OSBPL10: variants seen among roughly 807,000 people sequenced by gnomAD.
OSBPL10 encodes oxysterol binding protein like 10.
A neutral mutation model predicts 81.7 loss-of-function variants in OSBPL10; 49 were observed. The ratio of observed to expected loss-of-function variants is 0.60; its 90% CI spans 0.48 to 0.76. The LOEUF is 0.76. Ranked by LOEUF, OSBPL10 falls within the 30% of genes least tolerant of loss-of-function variation. The probability of loss-of-function intolerance (pLI) is 0.00; values close to 1 mark genes in which losing one functional copy is unlikely to be tolerated. For synonymous variants in OSBPL10, 419 were observed against 383.6 expected (o/e 1.09, Z -1.08); for missense variants, 923 against 987.8 (o/e 0.93, Z 0.88).
rs61492992 is a variant in OSBPL10 at position 31,720,881 on chromosome 3, C to CAAA, written c.1095+12373_1095+12375dup. On this transcript the variant is annotated intron_variant, in intron 6 of 11. Transcript: ENST00000396556. ...TGGGCAACAGAGCGAGACTCTGTCT[C>CAAA]AAAAAAAAAAAAAAAAAAAAAAAGG... Among the ~76,000 whole-genome samples, 151 of 66,216 alleles carry CAAA rather than the reference C, an allele frequency of 2.3e-3. 3 individuals are homozygous for CAAA. The highest frequency in any genetic ancestry group is 7.5e-3 in the African/African-American group (121 of 16,144). The allele number at this position is 66,216 out of a possible 152,430, so 43.4% of individuals were successfully genotyped here.
intron 1 of OSBPL10, among the ~76,000 whole-genome samples, chr3:32,048,611 T>C (rs9872002): frequency 0.77 from 116,515 of 152,172 alleles, 45,268 homozygotes; most frequent in East Asian, 1. Context: ...CCAGCCTCTC[T>C]TAGACACTAT....
At chr3:31,985,703 C>G (rs560111537), upstream of OSBPL10, among the ~76,000 whole-genome samples, 78 of 152,206 alleles carry the variant, frequency 5.1e-4, no homozygotes, top group Non-Finnish European at 9.3e-4. Context: ...AGATCACTCT[C>G]TGATATCAAC....
chr3:32,044,741 C>CAAAAAAA (rs34855965), intron 2 of OSBPL10, among the ~76,000 whole-genome samples: 15 of 67,048 alleles, frequency 2.2e-4, no homozygotes, highest in South Asian at 7.1e-4. Context: ...AACTCCATCT[C>CAAAAAAA]AAAAAAAAAA....
At chr3:31,918,968 A>C (rs1696833086) in intron 1 of OSBPL10, among the ~76,000 whole-genome samples, 1 of 152,210 alleles carries the variant, frequency 6.6e-6, no homozygotes, top group African/African-American at 2.4e-5. Context: ...ACTTCACAGC[A>C]TGAGGCACTC....
intron 1 of OSBPL10, among the ~76,000 whole-genome samples, chr3:31,898,562 T>C (rs1442805762): frequency 7.0e-6 from 1 of 141,954 alleles, no homozygotes; most frequent in Non-Finnish European, 1.5e-5. Flanking sequence ...CTGGGCAACA[T>C]AGCAAGACCC....
chr3:31,944,833 TAAAAAAA>T (rs869140991), intron 1 of OSBPL10, among the ~76,000 whole-genome samples: 1,638 of 54,658 alleles, frequency 0.03, 49 homozygotes, highest in Non-Finnish European at 0.051. Flanking sequence ...CCCCTCTCTT[TAAAAAAA>T]AAAAAAAAAA....
At chr3:31,732,919 C>G in intron 6 of OSBPL10, 1 of 319,952 alleles carries the variant, frequency 3.1e-6, no homozygotes, top group Non-Finnish European at 5.8e-6. Context: ...AGGGGAGCGA[C>G]ATAATATATT....
chr3:31,689,459 G>A (rs1352212278), intron 7 of OSBPL10, among the ~76,000 whole-genome samples: 1 of 152,178 alleles, frequency 6.6e-6, no homozygotes, highest in Non-Finnish European at 1.5e-5. Context: ...CACCAAAGGG[G>A]TAGGAAAGAA....
At chr3:31,861,321 A>G (rs1450353250) in intron 3 of OSBPL10, among the ~76,000 whole-genome samples, 1 of 152,206 alleles carries the variant, frequency 6.6e-6, no homozygotes, top group Admixed American at 6.5e-5. Flanking sequence ...TTTTATTTGC[A>G]TATAACCTAT....
chr3:31,772,457 C>T (rs1473323209), intron 4 of OSBPL10, among the ~76,000 whole-genome samples: 1 of 152,176 alleles, frequency 6.6e-6, no homozygotes, highest in Non-Finnish European at 1.5e-5. Context: ...GCAAAAACAA[C>T]TCATCTTGGT....
chr3:31,803,841 G>T (rs1699456445), intron 4 of OSBPL10, among the ~76,000 whole-genome samples: 2 of 152,306 alleles, frequency 1.3e-5, no homozygotes, highest in Admixed American at 6.5e-5. Flanking sequence ...TAACACAGAG[G>T]TGATGTTGTA....
chr3:31,708,665 T>G, intron 6 of OSBPL10: 1 of 922,968 alleles, frequency 1.1e-6, no homozygotes, highest in Non-Finnish European at 1.3e-6. Context: ...GACACAGAGA[T>G]AGAAAGTTTT....
At chr3:32,042,464 T>C (rs571600344) in intron 2 of OSBPL10, among the ~76,000 whole-genome samples, 3 of 152,312 alleles carry the variant, frequency 2.0e-5, no homozygotes, top group African/African-American at 7.2e-5. Context: ...CATCATCCCC[T>C]TTTTGAAACC....
rs544586283 is a variant in OSBPL10, at chr3:31,683,402, G to A, written c.1726+232C>T. ...AGCATGGGAAGGTCCAGGTGGGAAG[G>A]TCCAGGTGGGCGGCTGTCAGGCAGA... On this transcript the variant is annotated intron_variant, in intron 8 of 11. Transcript: ENST00000396556. 5.9e-5 allele frequency among the ~76,000 whole-genome samples: 9 copies of A among 152,332 alleles called. No individual in the cohort carries two copies. The South Asian group carries it at 1.0e-3, about 18-fold the overall frequency.
intron 1 of OSBPL10, among the ~76,000 whole-genome samples, chr3:31,934,113 T>C (rs1461496178): frequency 6.7e-6 from 1 of 149,514 alleles, no homozygotes; most frequent in African/African-American, 2.5e-5. Flanking sequence ...CTGGCATATA[T>C]AAAGTGCTTT....
chr3:31,893,170 C>T (rs1261852378), intron 1 of OSBPL10, among the ~76,000 whole-genome samples: 1 of 152,156 alleles, frequency 6.6e-6, no homozygotes, highest in Non-Finnish European at 1.5e-5. Context: ...GACTAAATAC[C>T]AAGTATATAC....
intron 3 of OSBPL10, among the ~76,000 whole-genome samples, chr3:31,860,023 G>A (rs1367381184): frequency 6.6e-6 from 1 of 152,114 alleles, no homozygotes; most frequent in Non-Finnish European, 1.5e-5. Context: ...TCTTAAGAAT[G>A]GTGTGGTGGA....
At chr3:31,862,285 A>C (rs2125599421) in intron 3 of OSBPL10, among the ~76,000 whole-genome samples, 1 of 152,334 alleles carries the variant, frequency 6.6e-6, no homozygotes, top group Admixed American at 6.5e-5. Context: ...CCCCAGCCTG[A>C]GACCAAAGGA....
chr3:31,958,564 C>A (rs1698070916), intron 1 of OSBPL10, among the ~76,000 whole-genome samples: 1 of 152,150 alleles, frequency 6.6e-6, no homozygotes, highest in Admixed American at 6.5e-5. Flanking sequence ...GACAAGGGCC[C>A]ATTTTTTTCC....
Sources: gnomAD v4.1 joint callset for allele counts (sites outside exome capture counted in the v4.1 genomes callset) on GRCh38, gnomAD v4.1.1 for gene constraint, MANE v1.5 for transcripts, NCBI Gene and HGNC (gene_info 2026-07-23, HGNC 2026-07-21) for gene names.